The following DCT variants were observed in gnomAD, a reference collection of about 807,000 sequenced individuals.
The protein encoded by DCT is dopachrome tautomerase.
A neutral mutation model predicts 53.0 loss-of-function variants in DCT; 47 were observed. The ratio of observed to expected loss-of-function variants is 0.89; its 90% CI spans 0.70 to 1.13. DCT has a LOEUF of 1.13. DCT is among the 50% of genes most tolerant of loss of function. The pLI is 0.00. For missense variants in DCT, 669 were observed against 637.4 expected (o/e 1.05, Z -0.53); for synonymous variants, 244 against 237.0 (o/e 1.03, Z -0.27).
the DCT span, among the ~76,000 whole-genome samples, chr13:94,513,190 G>C: frequency 6.6e-6 from 1 of 152,290 alleles, no homozygotes; most frequent in East Asian, 1.9e-4. Context: ...TCATTCCCAA[G>C]GCGACAGCTC....
chr13:94,450,181 C>A (rs146431434), intron 6 of DCT, among the ~76,000 whole-genome samples: 1 of 152,138 alleles, frequency 6.6e-6, no homozygotes, highest in South Asian at 2.1e-4. Context: ...CCTCACCACA[C>A]GCTGAATCTG....
chr13:94,491,126 G>T, the DCT span, among the ~76,000 whole-genome samples: 1 of 152,150 alleles, frequency 6.6e-6, no homozygotes, highest in African/African-American at 2.4e-5. Context: ...GAACCATAGA[G>T]AGTAAAGAGT....
At chr13:94,517,972 G>C in the DCT span, among the ~76,000 whole-genome samples, 2 of 152,028 alleles carry the variant, frequency 1.3e-5, no homozygotes, top group Non-Finnish European at 2.9e-5. Context: ...GCCAGGCACA[G>C]TGGCTCACAC....
intron 7 of DCT, among the ~76,000 whole-genome samples, chr13:94,440,890 A>T (rs1466674140): frequency 1.3e-5 from 2 of 152,160 alleles, no homozygotes; most frequent in African/African-American, 4.8e-5. Context: ...CATGTTGGCC[A>T]GGCTGGTCTG....
At position 94,468,732 on chromosome 13, in the gene DCT, A is replaced by C. The variant is rs1269200816; in HGVS notation, c.595+14T>G. Reference sequence around the variant, plus strand: ...ACCTGTAATAATATACCTTCAGCCAAGGAAAAAACCCACCTAATAATGTAT... The same window carrying C: ...ACCTGTAATAATATACCTTCAGCCACGGAAAAAACCCACCTAATAATGTAT... On this transcript the variant is annotated intron_variant, in intron 2 of 7. Transcript: ENST00000377028. 1.2e-6 allele frequency: 2 copies of C among 1,608,152 alleles called. No individual in the cohort carries two copies. Among genetic ancestry groups the C allele is most frequent in the Middle Eastern group, 1.7e-4 (1 of 6,032 alleles).
the DCT span, among the ~76,000 whole-genome samples, chr13:94,518,787 T>C: frequency 6.6e-6 from 1 of 152,242 alleles, no homozygotes; most frequent in Non-Finnish European, 1.5e-5. Context: ...TATCTGAATA[T>C]ATTCCAGTTC....
chr13:94,497,911 T>C, the DCT span, among the ~76,000 whole-genome samples: 2 of 151,944 alleles, frequency 1.3e-5, no homozygotes, highest in African/African-American at 4.9e-5. Context: ...TGCATGCACA[T>C]ATACATCTTA....
chr13:94,547,978 A>ATAT, the DCT span, among the ~76,000 whole-genome samples: 2 of 104,554 alleles, frequency 1.9e-5, no homozygotes, highest in South Asian at 3.2e-4. Context: ...AAAAAAAAAA[A>ATAT]AAAAAAATAT....
At chr13:94,456,295 T>C (rs1385593226) in intron 6 of DCT, among the ~76,000 whole-genome samples, 2 of 152,228 alleles carry the variant, frequency 1.3e-5, no homozygotes, top group Non-Finnish European at 2.9e-5. Flanking sequence ...CACCTGACTA[T>C]GCTTTAATCT....
the DCT span, among the ~76,000 whole-genome samples, chr13:94,501,628 C>G: frequency 4.7e-5 from 7 of 148,234 alleles, no homozygotes; most frequent in African/African-American, 1.8e-4. Context: ...GAGACAAAGA[C>G]AGAGACAGAG....
At chr13:94,466,487 C>T (rs12877849) in intron 3 of DCT, 71 bp downstream of exon 3, 162,128 of 904,880 alleles carry the variant, frequency 0.18, 16,127 homozygotes, top group Non-Finnish European at 0.2. Flanking sequence ...AAAATTCACA[C>T]TGTATGCCTT....
At position 94,445,680 on chromosome 13, in the gene DCT, G is replaced by A. The variant is rs750331477; in HGVS notation, c.1180-2043C>T. 1.6e-5 allele frequency: 23 copies of A among 1,431,360 alleles called. No homozygotes were observed. The Middle Eastern group carries it at 5.3e-4, about 33-fold the overall frequency. 88.7% of individuals were successfully genotyped at this position (1,431,360 alleles called of 1,614,324 possible). A position where few individuals can be genotyped will look rare whatever the true frequency, so the allele number is the denominator to read the frequency against. ...GCAGAAATGGATAAACACAACAAAG[G>A]AAAAAAACCTGAGTAGAGCCTCCCA... On this transcript the variant is annotated intron_variant, in intron 6 of 7. Transcript: ENST00000377028.
chr13:94,488,389 T>C, the DCT span, among the ~76,000 whole-genome samples: 3 of 152,046 alleles, frequency 2.0e-5, no homozygotes, highest in Non-Finnish European at 4.4e-5. Context: ...AGATGTACAA[T>C]TTAGACTGTT....
chr13:94,489,167 G>A, the DCT span, among the ~76,000 whole-genome samples: 2 of 152,188 alleles, frequency 1.3e-5, no homozygotes, highest in East Asian at 1.9e-4. Context: ...TTTGAACCAT[G>A]CATGTATAGT....
At chr13:94,501,462 A>G in the DCT span, among the ~76,000 whole-genome samples, 35 of 152,226 alleles carry the variant, frequency 2.3e-4, no homozygotes, top group African/African-American at 8.2e-4. Flanking sequence ...TCTAGTCACC[A>G]TCTGTTCCTC....
At chr13:94,505,066 C>A in the DCT span, among the ~76,000 whole-genome samples, 1 of 151,880 alleles carries the variant, frequency 6.6e-6, no homozygotes, top group East Asian at 1.9e-4. Flanking sequence ...GAAAAACGAA[C>A]AAAAGCCTGG....
chr13:94,464,887 C>G lies in DCT; in HGVS notation c.863+746G>C, dbSNP rs191102479. On this transcript the variant is annotated intron_variant, in intron 4 of 7. Transcript: ENST00000377028. ...ATCCTTCCCCGGCTGGCCCCAAGCCCCTGTCCTCCTCAACTCACCAGCATC... is the reference window on the plus strand; with the variant it reads ...ATCCTTCCCCGGCTGGCCCCAAGCCGCTGTCCTCCTCAACTCACCAGCATC... Among the ~76,000 whole-genome samples the G allele has an allele frequency of 6.7e-3, 1,013 of 152,236 alleles. 4 individuals are homozygous for G. Among genetic ancestry groups the G allele is most frequent in the Non-Finnish European group, 9.0e-3 (610 of 68,022 alleles).
intron 6 of DCT, among the ~76,000 whole-genome samples, chr13:94,449,225 A>C (rs1293819220): frequency 6.6e-6 from 1 of 152,244 alleles, no homozygotes; most frequent in South Asian, 2.1e-4. Context: ...ACCTGCAGGC[A>C]TAAAGAAAAT....
At chr13:94,443,690 A>C (rs1163398880) in intron 6 of DCT, 53 bp from the exon 7 acceptor site, 2 of 1,388,944 alleles carry the variant, frequency 1.4e-6, no homozygotes, top group Non-Finnish European at 2.0e-6. Context: ...TTCCGATCAC[A>C]CCAACCTGAC....
Sources: allele counts gnomAD v4.1 joint callset (sites outside exome capture counted in the v4.1 genomes callset), GRCh38; gene constraint gnomAD v4.1.1; transcripts MANE v1.5; gene names NCBI Gene and HGNC (gene_info 2026-07-23, HGNC 2026-07-21).